Variants in FLNB observed in about 807,000 individuals in gnomAD.
FLNB encodes the protein filamin B.
A neutral mutation model predicts 250.6 loss-of-function variants in FLNB; 111 were observed. The observed-to-expected ratio is 0.44, with a 90% CI of 0.38 to 0.52. The LOEUF (loss-of-function observed/expected upper bound fraction) is 0.52. Among genes scored for constraint, FLNB ranks in the 20% least tolerant of loss-of-function variants. The pLI is 0.00. For missense variants in FLNB, 2,869 were observed against 3,447.8 expected (o/e 0.83, Z 4.20); for synonymous variants, 1,302 against 1,372.1 (o/e 0.95, Z 1.13).
chr3:58,152,012 C>A (rs2097345938), intron 38 of FLNB, among the ~76,000 whole-genome samples: 1 of 152,220 alleles, frequency 6.6e-6, no homozygotes, highest in Non-Finnish European at 1.5e-5. Context: ...ACTGTGTTTT[C>A]TTTTCATTTG....
intron 42 of FLNB, among the ~76,000 whole-genome samples, chr3:58,162,328 G>A (rs760054676): frequency 2.0e-5 from 3 of 152,110 alleles, no homozygotes; most frequent in Non-Finnish European, 4.4e-5. Context: ...AGGAGGAAGC[G>A]GCAGTCAGGT....
intron 1 of FLNB, among the ~76,000 whole-genome samples, chr3:58,034,050 G>A (rs1447695150): frequency 6.6e-6 from 1 of 151,886 alleles, no homozygotes; most frequent in Admixed American, 6.6e-5. Context: ...TAGTAGAGAC[G>A]GGGTTTCACC....
intron 4 of FLNB, among the ~76,000 whole-genome samples, chr3:58,091,937 A>C (rs2097228337): frequency 6.6e-6 from 1 of 152,218 alleles, no homozygotes; most frequent in Non-Finnish European, 1.5e-5. Context: ...TAAGAGGATG[A>C]ATATACAGGC....
Position 58,123,434 on chromosome 3 carries a change from C to A in FLNB, c.3468C>A (p.Val1156=), listed in dbSNP as rs945067243. The stretch of plus-strand genomic sequence containing the variant: ...TGGGTGAAGCTGGCCTCCTTAGCGT[C>A]GACTGCTCGGAAGCGGGACCGGGGG... ...GKVGEAGLLS[V]DCSEAGPGAL... The change falls in exon 21 of 46, where the codon GTC becomes GTA. Residue 1156 remains valine (V), a synonymous_variant. Transcript: ENST00000295956. 13 of 1,612,472 alleles carry A rather than the reference C, an allele frequency of 8.1e-6. No homozygotes were observed. The highest frequency in any genetic ancestry group is 1.1e-5 in the Non-Finnish European group (13 of 1,178,890).
rs940095534 is a variant in FLNB at position 58,164,781 on chromosome 3, C to G, written c.7198+1451C>G. 6.6e-6 allele frequency: 1 copy of G among 152,238 alleles called. No individual in the cohort carries two copies. Among genetic ancestry groups the G allele is most frequent in the African/African-American group, 2.4e-5 (1 of 41,446 alleles). 9.4% of individuals were successfully genotyped at this position (152,238 alleles called of 1,614,324 possible). A position where few individuals can be genotyped will look rare whatever the true frequency, so the allele number is the denominator to read the frequency against. On this transcript the variant is annotated intron_variant, in intron 43 of 45. Coordinates refer to ENST00000295956, the MANE Select transcript of FLNB (RefSeq NM_001457.4). This position sits in a 1 kb window ranked among gnomAD's most constrained non-coding sequence, Gnocchi z 4.0. Reference sequence around the variant, plus strand: ...GGTATCATTTTACCGTAAGTGATGTCCATTTTACAGATGTGGAAAGTGAGA... The same window carrying G: ...GGTATCATTTTACCGTAAGTGATGTGCATTTTACAGATGTGGAAAGTGAGA...
rs532304397 is a variant in FLNB at position 58,067,991 on chromosome 3, T to C, written c.293-9055T>C. Among the ~76,000 whole-genome samples, 3 of 152,348 alleles carry C rather than the reference T, an allele frequency of 2.0e-5. No individual in the cohort carries two copies. The South Asian group carries it at 6.2e-4, about 32-fold the overall frequency. On this transcript the variant is annotated intron_variant, in intron 1 of 45. Coordinates refer to ENST00000295956, the MANE Select transcript of FLNB (RefSeq NM_001457.4). Reference sequence around the variant, plus strand: ...GATACTGGGACCCAGGTTCCTTCCCTCACCTTGCTGTGCCTCTCCTAGTGC... The same window carrying C: ...GATACTGGGACCCAGGTTCCTTCCCCCACCTTGCTGTGCCTCTCCTAGTGC...
At chr3:58,042,108 G>A (rs142302315) in intron 1 of FLNB, among the ~76,000 whole-genome samples, 13 of 152,262 alleles carry the variant, frequency 8.5e-5, no homozygotes, top group African/African-American at 3.1e-4. Context: ...TGTTTGGTGT[G>A]TATGGGTTTT....
At chr3:58,095,354 C>T (rs894859843) in intron 5 of FLNB, among the ~76,000 whole-genome samples, 4 of 152,126 alleles carry the variant, frequency 2.6e-5, no homozygotes, top group South Asian at 4.1e-4. Context: ...GATTCTCCTG[C>T]CTCAGCCCGG....
intron 1 of FLNB, among the ~76,000 whole-genome samples, chr3:58,044,244 G>C (rs2097150254): frequency 1.3e-5 from 2 of 152,112 alleles, no homozygotes; most frequent in African/African-American, 2.4e-5. Context: ...GGCCCAGAAG[G>C]GACTGGTAGG....
chr3:58,098,622 C>A, intron 7 of FLNB, 89 bp from the exon 8 acceptor site: 1 of 1,269,226 alleles, frequency 7.9e-7, no homozygotes. Context: ...CATGAGCCAC[C>A]ACACTGGTCC....
At chr3:58,131,192 C>T (rs2097306767) in intron 25 of FLNB, among the ~76,000 whole-genome samples, 1 of 152,056 alleles carries the variant, frequency 6.6e-6, no homozygotes. Context: ...GCGACTGTTT[C>T]ATTATGTGTT....
chr3:58,149,193 G>A, intron 36 of FLNB: 6 of 367,744 alleles, frequency 1.6e-5, no homozygotes, highest in South Asian at 1.4e-4. Context: ...AGAATGTTGG[G>A]TTGATTGGCC....
At chr3:58,162,202 T>C (rs1240777654) in intron 42 of FLNB, among the ~76,000 whole-genome samples, 1 of 151,876 alleles carries the variant, frequency 6.6e-6, no homozygotes, top group Non-Finnish European at 1.5e-5. Context: ...GAGAAGAGCT[T>C]TGGGGAACAC....
chr3:58,052,220 A>T (rs2097163545), intron 1 of FLNB, among the ~76,000 whole-genome samples: 1 of 152,210 alleles, frequency 6.6e-6, no homozygotes, highest in African/African-American at 2.4e-5. Context: ...CACTTGGAAT[A>T]CAATTCGGAT....
intron 3 of FLNB, among the ~76,000 whole-genome samples, chr3:58,080,494 A>ATTTT (rs5849235): frequency 7.7e-6 from 1 of 129,614 alleles, no homozygotes; most frequent in Non-Finnish European, 1.7e-5. Context: ...CCCATTCCCT[A>ATTTT]TTTTTTTTTT....
intron 8 of FLNB, 98 bp downstream of exon 8, chr3:58,099,006 C>T (rs2097244428): frequency 6.0e-6 from 6 of 1,007,770 alleles, no homozygotes; most frequent in Non-Finnish European, 9.5e-6. Context: ...CCAACATTGA[C>T]CTTATGCCTA....
intron 18 of FLNB, among the ~76,000 whole-genome samples, chr3:58,115,463 T>C (rs2097276344): frequency 6.6e-6 from 1 of 152,248 alleles, no homozygotes; most frequent in African/African-American, 2.4e-5. Context: ...GGGTTTGACC[T>C]GCATCCTTGG....
At chr3:58,128,229 C>T (rs923306518) in intron 24 of FLNB, among the ~76,000 whole-genome samples, 1 of 152,128 alleles carries the variant, frequency 6.6e-6, no homozygotes, top group African/African-American at 2.4e-5. Flanking sequence ...TCCTGCTTCC[C>T]CCTTACCACA....
chr3:58,039,167 G>T (rs1288757663), intron 1 of FLNB, among the ~76,000 whole-genome samples: 1 of 148,300 alleles, frequency 6.7e-6, no homozygotes, highest in Non-Finnish European at 1.5e-5. Context: ...CACCAGCCTG[G>T]ATAACATAGC....
Sources: allele counts gnomAD v4.1 joint callset (sites outside exome capture counted in the v4.1 genomes callset), GRCh38; gene constraint gnomAD v4.1.1; non-coding constraint Gnocchi (gnomAD v3.1); transcripts MANE v1.5; gene names NCBI Gene and HGNC (gene_info 2026-07-23, HGNC 2026-07-21).